Variants in LHFPL6 observed in about 807,000 individuals in gnomAD.
The protein encoded by LHFPL6 is LHFPL tetraspan subfamily member 6.
Under a neutral mutation model 20.6 loss-of-function variants are expected in LHFPL6, and 9 were observed. That is an observed-to-expected ratio of 0.44 (90% CI 0.26 to 0.76). The LOEUF is 0.76. Ranked by LOEUF, LHFPL6 falls within the 30% of genes least tolerant of loss-of-function variation. The pLI is 0.20. For synonymous variants in LHFPL6, 105 were observed against 98.7 expected (o/e 1.06, Z -0.38); for missense variants, 218 against 253.5 (o/e 0.86, Z 0.95).
At chr13:39,465,357 A>G (rs1379032198) in intron 2 of LHFPL6, among the ~76,000 whole-genome samples, 1 of 152,232 alleles carries the variant, frequency 6.6e-6, no homozygotes, top group African/African-American at 2.4e-5. Context: ...TGGACAGAAT[A>G]TGAGTTAGAG....
rs185665690 is a variant in LHFPL6, at chr13:39,403,627, G to A, written c.386-25101C>T. On this transcript the variant is annotated intron_variant, in intron 2 of 3. Transcript: ENST00000379589. ...CAAGCCCTTTTATTATCTCTATATC[G>A]ATCAAGAGCAGAAACTTTGCCAATA... is the stretch of plus-strand genomic sequence containing the variant. 1.0e-3 allele frequency among the ~76,000 whole-genome samples: 159 copies of A among 152,244 alleles called. 1 individual carries two copies. The highest frequency in any genetic ancestry group is 3.5e-3 in the African/African-American group (144 of 41,562).
intron 2 of LHFPL6, among the ~76,000 whole-genome samples, chr13:39,408,394 T>C (rs966876728): frequency 2.0e-5 from 3 of 152,176 alleles, no homozygotes; most frequent in African/African-American, 7.2e-5. Flanking sequence ...TTGAAAACAA[T>C]GTTAGAAAGT....
chr13:39,481,292 A>C (rs1868510786), intron 2 of LHFPL6, among the ~76,000 whole-genome samples: 1 of 152,222 alleles, frequency 6.6e-6, no homozygotes, highest in Non-Finnish European at 1.5e-5. Flanking sequence ...TTTATTTCAT[A>C]ATCACTCAAC....
intron 2 of LHFPL6, among the ~76,000 whole-genome samples, chr13:39,385,589 CATG>C (rs1566099448): frequency 6.6e-6 from 1 of 152,240 alleles, no homozygotes; most frequent in Non-Finnish European, 1.5e-5. Context: ...GAAATATCAG[CATG>C]ATACTAATTG....
Position 39,343,714 on chromosome 13 carries a change from G to A in LHFPL6, c.*222C>T, listed in dbSNP as rs894864358. The A allele has an allele frequency of 2.2e-6, 1 of 452,790 alleles. No homozygotes were observed. The highest frequency in any genetic ancestry group is 3.4e-5 in the East Asian group (1 of 29,006). 28.0% of individuals were successfully genotyped at this position (452,790 alleles called of 1,614,324 possible). ...TGCCCTGCAATATTTTTAGCCTTTGGTCCATTTTTCTCCATCATTCTATAC... is the reference window on the plus strand; with the variant it reads ...TGCCCTGCAATATTTTTAGCCTTTGATCCATTTTTCTCCATCATTCTATAC... On this transcript the variant is annotated 3_prime_UTR_variant, in exon 4 of 4. Transcript: ENST00000379589.
chr13:39,468,973 C>T (rs1347635538), intron 2 of LHFPL6, among the ~76,000 whole-genome samples: 1 of 151,996 alleles, frequency 6.6e-6, no homozygotes, highest in Admixed American at 6.6e-5. Context: ...AATATTTTAA[C>T]TAAGTTAGTA....
intron 2 of LHFPL6, among the ~76,000 whole-genome samples, chr13:39,529,686 A>T (rs1303834561): frequency 6.6e-6 from 1 of 152,208 alleles, no homozygotes; most frequent in African/African-American, 2.4e-5. Flanking sequence ...GGAATCTGGG[A>T]TTTAGAAAAA....
chr13:39,598,578 CAG>C (rs1467187279), intron 2 of LHFPL6, among the ~76,000 whole-genome samples: 2 of 151,992 alleles, frequency 1.3e-5, no homozygotes, highest in African/African-American at 4.8e-5. Flanking sequence ...TATTTTGAGA[CAG>C]AGTCTTGCTC....
chr13:39,346,904 C>T (rs764550393), intron 3 of LHFPL6, among the ~76,000 whole-genome samples: 73 of 151,844 alleles, frequency 4.8e-4, no homozygotes, highest in South Asian at 2.1e-4. Flanking sequence ...TCAAGAGCCT[C>T]CACATCTTAA....
Position 39,600,808 on chromosome 13 carries a change from A to G in LHFPL6, c.385+24T>C, listed in dbSNP as rs757215403. ...TACTGCTTTGGGATTCCAGTAAACAACTCAAGCTCAGCAAGTCACTTACCC... is the reference window on the plus strand; with the variant it reads ...TACTGCTTTGGGATTCCAGTAAACAGCTCAAGCTCAGCAAGTCACTTACCC... On this transcript the variant is annotated intron_variant, in intron 2 of 3. Coordinates refer to ENST00000379589, the MANE Select transcript of LHFPL6 (RefSeq NM_005780.3). The G allele has an allele frequency of 4.1e-6, 6 of 1,466,764 alleles. No homozygotes were observed. In the Admixed American group the frequency reaches 1.2e-4, roughly 28 times the overall value. The allele number at this position is 1,466,764 out of a possible 1,614,324, so 90.9% of individuals were successfully genotyped here.
chr13:39,599,670 A>C (rs537091003), intron 2 of LHFPL6, among the ~76,000 whole-genome samples: 1 of 152,356 alleles, frequency 6.6e-6, no homozygotes, highest in South Asian at 2.1e-4. Flanking sequence ...ATTTCAAAAC[A>C]CAAAACTTTG....
At chr13:39,520,496 C>A (rs1870073503) in intron 2 of LHFPL6, among the ~76,000 whole-genome samples, 1 of 152,040 alleles carries the variant, frequency 6.6e-6, no homozygotes, top group Non-Finnish European at 1.5e-5. Flanking sequence ...GGCTTCAATC[C>A]CCATATGTAA....
chr13:39,395,527 G>A (rs1474837632), intron 2 of LHFPL6, among the ~76,000 whole-genome samples: 1 of 152,160 alleles, frequency 6.6e-6, no homozygotes, highest in East Asian at 1.9e-4. Context: ...AGACTGATAA[G>A]GACGTCTGCA....
chr13:39,532,128 A>G (rs1184968355), intron 2 of LHFPL6, among the ~76,000 whole-genome samples: 1 of 152,090 alleles, frequency 6.6e-6, no homozygotes, highest in Non-Finnish European at 1.5e-5. Flanking sequence ...CCTCCTGCCT[A>G]ATAATCCTGC....
At chr13:39,472,733 G>A (rs1021948188) in intron 2 of LHFPL6, among the ~76,000 whole-genome samples, 7 of 151,912 alleles carry the variant, frequency 4.6e-5, no homozygotes, top group African/African-American at 1.2e-4. Flanking sequence ...CCCAGCCTCC[G>A]GAGTAGCTGG....
chr13:39,402,371 C>T (rs571769000), intron 2 of LHFPL6, among the ~76,000 whole-genome samples: 7 of 152,146 alleles, frequency 4.6e-5, no homozygotes, highest in Admixed American at 6.5e-5. Flanking sequence ...ACTATAGGCA[C>T]GCACCACTAT....
intron 2 of LHFPL6, among the ~76,000 whole-genome samples, chr13:39,481,601 C>A (rs1868528557): frequency 6.6e-6 from 1 of 152,014 alleles, no homozygotes; most frequent in Admixed American, 6.6e-5. Flanking sequence ...GATGTAAGGA[C>A]ATAAAGGACT....
intron 2 of LHFPL6, among the ~76,000 whole-genome samples, chr13:39,487,496 T>C (rs969443749): frequency 6.6e-6 from 1 of 152,132 alleles, no homozygotes; most frequent in African/African-American, 2.4e-5. Flanking sequence ...ACAACAAAAA[T>C]AATAGGGCTC....
intron 3 of LHFPL6, among the ~76,000 whole-genome samples, chr13:39,352,045 G>A (rs909038123): frequency 6.6e-6 from 1 of 152,140 alleles, no homozygotes; most frequent in African/African-American, 2.4e-5. Context: ...TCAACAGCAT[G>A]GTTTCAATTG....
Sources: allele counts gnomAD v4.1 joint callset (sites outside exome capture counted in the v4.1 genomes callset), GRCh38; gene constraint gnomAD v4.1.1; transcripts MANE v1.5; gene names NCBI Gene and HGNC (gene_info 2026-07-23, HGNC 2026-07-21).